The following ADAMTS12 variants were observed in gnomAD, a reference collection of about 807,000 sequenced individuals.
ADAMTS12 encodes A disintegrin and metalloproteinase with thrombospondin motifs 12.
A neutral mutation model predicts 167.8 loss-of-function variants in ADAMTS12; 118 were observed. That is an observed-to-expected ratio of 0.70 (90% CI 0.61 to 0.82). The LOEUF is 0.82. ADAMTS12 is among the 40% of genes least tolerant of loss of function. The probability of loss-of-function intolerance (pLI) is 0.00; values close to 1 mark genes in which losing one functional copy is unlikely to be tolerated. For missense variants in ADAMTS12, 1,916 were observed against 1,998.8 expected (o/e 0.96, Z 0.79); for synonymous variants, 704 against 716.9 (o/e 0.98, Z 0.29).
At chr5:33,594,420 T>A (rs1318460395) in intron 17 of ADAMTS12, among the ~76,000 whole-genome samples, 1 of 152,176 alleles carries the variant, frequency 6.6e-6, no homozygotes, top group Non-Finnish European at 1.5e-5. Context: ...TGAGAGTGCA[T>A]TTTCAGAAAT....
intron 2 of ADAMTS12, among the ~76,000 whole-genome samples, chr5:33,832,398 A>G (rs1301615805): frequency 6.6e-6 from 1 of 151,314 alleles, no homozygotes; most frequent in Non-Finnish European, 1.5e-5. Flanking sequence ...TTTTGTGAGG[A>G]AAAAAAAACC....
intron 2 of ADAMTS12, among the ~76,000 whole-genome samples, chr5:33,846,629 G>A (rs761980372): frequency 5.3e-5 from 8 of 152,044 alleles, no homozygotes; most frequent in Non-Finnish European, 1.2e-4. Flanking sequence ...GGCTTCAAAG[G>A]CAAAGTTAGA....
In ADAMTS12 at chr5:33,637,630, T is replaced by A. The variant is rs756400435; in HGVS notation, c.1835A>T (p.Asp612Val). 6.2e-7 allele frequency: 1 copy of A among 1,613,738 alleles called. No homozygotes were observed. Among genetic ancestry groups the A allele is most frequent in the South Asian group, 1.1e-5 (1 of 91,078 alleles). Residue 612 changes from aspartate to valine, a missense_variant, in exon 12 of 24, where the codon GAC becomes GTC. Asp to Val is a radical substitution (Grantham distance 152, BLOSUM62 -3). Transcript: ENST00000504830. ...TFRQMQCSEF[D>V]TVPYKNELYH... is the part of the protein sequence containing the mutation. ...GAGTTCATTCTTGTAGGGAACAGTG[T>A]CAAATTCACTGCACTGCATCTGCCG...
intron 14 of ADAMTS12, among the ~76,000 whole-genome samples, chr5:33,620,736 A>T (rs1739280595): frequency 6.6e-6 from 1 of 152,196 alleles, no homozygotes; most frequent in Non-Finnish European, 1.5e-5. Context: ...ATATCTACAT[A>T]TATTTTATGC....
chr5:33,525,825 C>G lies in ADAMTS12; in HGVS notation c.*1363G>C, dbSNP rs1743787744. 1 of 152,192 alleles carries G rather than the reference C, an allele frequency of 6.6e-6. No homozygotes were observed. The highest frequency in any genetic ancestry group is 2.4e-5 in the African/African-American group (1 of 41,454). The allele number at this position is 152,192 out of a possible 1,614,324, so 9.4% of individuals were successfully genotyped here. On this transcript the variant is annotated 3_prime_UTR_variant, in exon 24 of 24. Transcript: ENST00000504830. ...TTGAAGCTTATGCCCCTCCACCCAC[C>G]CACTTACCCTCTTTCTCTGGGTTCA...
At position 33,535,527 on chromosome 5, in the gene ADAMTS12, T is replaced by G. The variant is rs569142722; in HGVS notation, c.4447-535A>C. Among the ~76,000 whole-genome samples the G allele has an allele frequency of 1.6e-4, 24 of 152,162 alleles. No homozygotes were observed. In the South Asian group the frequency reaches 4.8e-3, roughly 30 times the overall value. On this transcript the variant is annotated intron_variant, in intron 22 of 23. Coordinates refer to ENST00000504830, the MANE Select transcript of ADAMTS12 (RefSeq NM_030955.4). ...AAAACCAGATGGCAGAAAAGGTGAA[T>G]GGAATGAAGCATGTGCTTAGAGAGG... is the stretch of plus-strand genomic sequence containing the variant.
intron 22 of ADAMTS12, among the ~76,000 whole-genome samples, chr5:33,541,465 A>G (rs969643401): frequency 1.3e-5 from 2 of 152,222 alleles, no homozygotes; most frequent in Non-Finnish European, 2.9e-5. Context: ...CAACATTCAA[A>G]CTCAGGAAAT....
intron 3 of ADAMTS12, among the ~76,000 whole-genome samples, chr5:33,700,653 A>G (rs1441822152): frequency 2.6e-5 from 4 of 152,204 alleles, no homozygotes; most frequent in Admixed American, 6.5e-5. Context: ...CGATAAAACC[A>G]TACAGAACTA....
At chr5:33,592,273 C>A (rs918660633) in intron 17 of ADAMTS12, among the ~76,000 whole-genome samples, 1 of 151,052 alleles carries the variant, frequency 6.6e-6, no homozygotes. Flanking sequence ...AAACAAAAAA[C>A]AAAACAAAAC....
chr5:33,584,362 G>GT (rs368758436), intron 18 of ADAMTS12, among the ~76,000 whole-genome samples: 43 of 148,590 alleles, frequency 2.9e-4, no homozygotes, highest in African/African-American at 3.4e-4. Flanking sequence ...AATGCATGAG[G>GT]TTTTTTTTTT....
rs1469843677 is a variant in ADAMTS12, at chr5:33,595,946, G to A, written c.2642C>T (p.Ala881Val). The change falls in exon 17 of 24, where the codon GCT becomes GTT. Residue 881 changes from alanine (A) to valine (V), a missense_variant. Physicochemically the swap from Ala to Val is moderately conservative, Grantham distance 64 (BLOSUM62 0). Coordinates refer to ENST00000504830, the MANE Select transcript of ADAMTS12 (RefSeq NM_030955.4). The part of the protein sequence containing the change: ...NGRQKKCHEK[A>V]CPPRWWAGEW... ...TAGCGATGGTTACCTGGGTGGACAA[G>A]CCTTTTCATGGCACTTCTTCTGTCT... is the stretch of plus-strand genomic sequence containing the variant. The A allele has an allele frequency of 6.2e-7, 1 of 1,614,122 alleles. No homozygotes were observed. The highest frequency in any genetic ancestry group is 8.5e-7 in the Non-Finnish European group (1 of 1,179,964).
chr5:33,765,834 C>T (rs935619548), intron 2 of ADAMTS12, among the ~76,000 whole-genome samples: 3 of 152,168 alleles, frequency 2.0e-5, no homozygotes, highest in African/African-American at 7.2e-5. Flanking sequence ...CTATGTGACA[C>T]ACTTAATTTC....
intron 16 of ADAMTS12, among the ~76,000 whole-genome samples, chr5:33,605,525 G>T (rs1188629908): frequency 2.0e-5 from 3 of 152,156 alleles, no homozygotes; most frequent in Non-Finnish European, 4.4e-5. Context: ...AAAATGCTGT[G>T]GTGAGGGTAA....
At chr5:33,678,174 G>T (rs574453347) in intron 5 of ADAMTS12, among the ~76,000 whole-genome samples, 9 of 152,170 alleles carry the variant, frequency 5.9e-5, no homozygotes, top group Admixed American at 1.3e-4. Flanking sequence ...TCCATTTGTT[G>T]GTTTGGAATA....
intron 22 of ADAMTS12, among the ~76,000 whole-genome samples, chr5:33,540,342 G>A (rs922991668): frequency 7.9e-5 from 12 of 152,238 alleles, no homozygotes; most frequent in South Asian, 2.1e-4. Context: ...AGCTCAGCAC[G>A]GCCTACTGCC....
chr5:33,802,145 A>G (rs1285033447), intron 2 of ADAMTS12, among the ~76,000 whole-genome samples: 2 of 152,236 alleles, frequency 1.3e-5, no homozygotes, highest in African/African-American at 4.8e-5. Context: ...ATCTGCTAGC[A>G]TCTTGATCTT....
At chr5:33,594,225 T>G (rs1056087400) in intron 17 of ADAMTS12, among the ~76,000 whole-genome samples, 1 of 152,228 alleles carries the variant, frequency 6.6e-6, no homozygotes. Context: ...ACCCTTTCAC[T>G]TGGCTCTCAT....
chr5:33,766,018 G>GT (rs1441216515), intron 2 of ADAMTS12, among the ~76,000 whole-genome samples: 7 of 152,244 alleles, frequency 4.6e-5, no homozygotes, highest in African/African-American at 1.7e-4. Flanking sequence ...TCTTAAGTCT[G>GT]TAAGTACTAA....
chr5:33,530,178 G>A (rs778487174), intron 23 of ADAMTS12, among the ~76,000 whole-genome samples: 6 of 152,046 alleles, frequency 3.9e-5, no homozygotes, highest in Non-Finnish European at 7.4e-5. Flanking sequence ...TGCCTGCCTC[G>A]GCCTCCCAAA....
Sources: gnomAD v4.1 joint callset for allele counts (sites outside exome capture counted in the v4.1 genomes callset) on GRCh38, gnomAD v4.1.1 for gene constraint, MANE v1.5 for transcripts, NCBI Gene and HGNC (gene_info 2026-07-23, HGNC 2026-07-21) for gene names.